Variants in NR1I2 observed in about 807,000 individuals in gnomAD.
The protein encoded by NR1I2 is orphan nuclear receptor PAR1.
Under a neutral mutation model 43.3 loss-of-function variants are expected in NR1I2, and 42 were observed. The observed-to-expected ratio is 0.97, with a 90% CI of 0.76 to 1.26. The LOEUF (loss-of-function observed/expected upper bound fraction) is 1.26. NR1I2 is among the 50% of genes most tolerant of loss of function. The pLI is 0.00. For synonymous variants in NR1I2, 229 were observed against 215.0 expected, an observed-to-expected ratio of 1.06 and a Z score of -0.57; for missense variants, 559 against 566.7, an observed-to-expected ratio of 0.99 and a Z score of 0.14.
Position 119,812,685 on chromosome 3 carries a change from G to A in NR1I2, c.520-1G>A. On this transcript the variant is annotated splice_acceptor_variant, in intron 4 of 8. Transcript: ENST00000393716. LOFTEE classifies it high-confidence loss of function. ...TGTCCACCTCCTGGCATGTGTCCTA[G>A]CTGCCAGGGGTGCTTAGCAGTGGCT... 1 of 1,613,812 alleles carries A rather than the reference G, an allele frequency of 6.2e-7. No homozygotes were observed. The highest frequency in any genetic ancestry group is 8.5e-7 in the Non-Finnish European group (1 of 1,179,998).
intron 1 of NR1I2, among the ~76,000 whole-genome samples, chr3:119,801,662 A>C (rs1434988517): frequency 6.6e-6 from 1 of 151,970 alleles, no homozygotes; most frequent in African/African-American, 2.4e-5. Flanking sequence ...CCCTAAACTC[A>C]CTGGATTAAA....
chr3:119,815,447 T>TC lies in NR1I2; in HGVS notation c.1054+9dup. On this transcript the variant is annotated intron_variant, in intron 7 of 8. Transcript: ENST00000393716. ...TCTCCCTCTTCTCCCCAGGTGAGGATCTCCCCTAGGCTGCCTGACATCCCC... is the reference window on the plus strand; with the variant it reads ...TCTCCCTCTTCTCCCCAGGTGAGGATCCTCCCCTAGGCTGCCTGACATCCCC... 1 of 1,595,886 alleles carries TC rather than the reference T, an allele frequency of 6.3e-7. No homozygotes were observed. Among genetic ancestry groups the TC allele is most frequent in the Non-Finnish European group, 8.6e-7 (1 of 1,164,970 alleles).
intron 1 of NR1I2, among the ~76,000 whole-genome samples, chr3:119,789,987 A>G (rs1464285888): frequency 2.0e-5 from 3 of 152,210 alleles, no homozygotes; most frequent in Non-Finnish European, 4.4e-5. Context: ...TTCTAAGTGT[A>G]TAGCTCAATA....
rs1292139105 is a variant in NR1I2 at position 119,815,133 on chromosome 3, A to C, written c.937+12A>C. The C allele has an allele frequency of 6.2e-7, 1 of 1,613,972 alleles. No homozygotes were observed. The highest frequency in any genetic ancestry group is 2.2e-5 in the East Asian group (1 of 44,874). On this transcript the variant is annotated intron_variant, in intron 6 of 8. Coordinates refer to ENST00000393716, the MANE Select transcript of NR1I2 (RefSeq NM_003889.4). ...GGAAGACACTGCAGGTGCCCGAGAG[A>C]GCCTGCCTGCCCTGGCAGAGGGAGG...
chr3:119,810,133 C>G lies in NR1I2; in HGVS notation c.270C>G (p.Thr90=). 1 of 1,613,394 alleles carries G rather than the reference C, an allele frequency of 6.2e-7. No homozygotes were observed. Among genetic ancestry groups the G allele is most frequent in the Non-Finnish European group, 8.5e-7 (1 of 1,179,872 alleles). Residue 90 remains threonine, a synonymous_variant, in exon 3 of 9, where the codon ACC becomes ACG. Coordinates refer to ENST00000393716, the MANE Select transcript of NR1I2 (RefSeq NM_003889.4). ...GCGCCTGCGAGATCACCCGGAAGAC[C>G]CGGCGACAGTGCCAGGCCTGCCGCC... is the stretch of plus-strand genomic sequence containing the variant.
rs930567246 is a variant in NR1I2 at position 119,804,697 on chromosome 3, C to T, written c.-22-2532C>T. The stretch of plus-strand genomic sequence containing the variant: ...CTAACCTCAGGTGATCTGCCTGCCT[C>T]TGCCTCCCAAAGTGCTGGGATTACA... On this transcript the variant is annotated intron_variant, in intron 1 of 8. Transcript: ENST00000393716. 7.9e-5 allele frequency among the ~76,000 whole-genome samples: 12 copies of T among 151,936 alleles called. 1 individual carries two copies. The East Asian group carries it at 1.4e-3, about 17-fold the overall frequency.
intron 1 of NR1I2, among the ~76,000 whole-genome samples, chr3:119,785,479 G>C (rs920387405): frequency 3.9e-5 from 6 of 152,180 alleles, no homozygotes; most frequent in Non-Finnish European, 8.8e-5. Flanking sequence ...TTTTCTTTTT[G>C]CTCTACCCAG....
intron 8 of NR1I2, among the ~76,000 whole-genome samples, chr3:119,816,280 T>A (rs1309232101): frequency 1.3e-5 from 2 of 152,178 alleles, no homozygotes; most frequent in Non-Finnish European, 2.9e-5. Context: ...CTTCCTTGTA[T>A]GGAGGCAGGA....
chr3:119,803,349 A>AAGAG lies in NR1I2; in HGVS notation c.-22-3858_-22-3855dup, dbSNP rs3030842. Among the ~76,000 whole-genome samples, 788 of 148,000 alleles carry AAGAG rather than the reference A, an allele frequency of 5.3e-3. 10 individuals are homozygous for AAGAG. Among genetic ancestry groups the AAGAG allele is most frequent in the African/African-American group, 0.019 (755 of 40,016 alleles). On this transcript the variant is annotated intron_variant, in intron 1 of 8. Transcript: ENST00000393716. ...TCTTTCTTTTTTTTTTCTGTCTCAA[A>AAGAG]AGAGAGAGAGAGAGAGAGAGAGAGA...
chr3:119,794,259 C>T (rs146871191), intron 1 of NR1I2, among the ~76,000 whole-genome samples: 1 of 152,096 alleles, frequency 6.6e-6, no homozygotes, highest in African/African-American at 2.4e-5. Flanking sequence ...GTTGTGTGAA[C>T]ATGGCTCACT....
At chr3:119,811,141 A>C in intron 3 of NR1I2, 1 of 181,070 alleles carries the variant, frequency 5.5e-6, no homozygotes, top group Non-Finnish European at 1.2e-5. Flanking sequence ...GGTGCGAGGT[A>C]AACACGGTTT....
chr3:119,792,038 A>C, intron 1 of NR1I2: 1 of 725,972 alleles, frequency 1.4e-6, no homozygotes, highest in South Asian at 1.5e-5. Context: ...GTTCTCAACC[A>C]CATAATGTGC....
At chr3:119,799,740 G>A (rs1001725475) in intron 1 of NR1I2, among the ~76,000 whole-genome samples, 5 of 152,146 alleles carry the variant, frequency 3.3e-5, no homozygotes, top group African/African-American at 4.8e-5. Context: ...AGCATTTTGG[G>A]AGGCTGAGGG....
intron 1 of NR1I2, among the ~76,000 whole-genome samples, chr3:119,790,087 T>C (rs1165499646): frequency 6.6e-6 from 1 of 152,118 alleles, no homozygotes; most frequent in Non-Finnish European, 1.5e-5. Context: ...ACAACTCCCA[T>C]TCCCCTCACC....
At chr3:119,804,398 A>T (rs1028972271) in intron 1 of NR1I2, among the ~76,000 whole-genome samples, 6 of 148,378 alleles carry the variant, frequency 4.0e-5, no homozygotes, top group Admixed American at 1.3e-4. Flanking sequence ...ATACATATAT[A>T]TTTACATTTA....
At chr3:119,815,255 G>A (rs759506424) in intron 6 of NR1I2, 68 bp from the exon 7 acceptor site, 34 of 1,562,686 alleles carry the variant, frequency 2.2e-5, no homozygotes, top group Non-Finnish European at 2.9e-5. Context: ...ACAAGATATT[G>A]GTGAGGGATG....
chr3:119,802,718 T>G (rs2055097508), intron 1 of NR1I2, among the ~76,000 whole-genome samples: 1 of 152,182 alleles, frequency 6.6e-6, no homozygotes, highest in Non-Finnish European at 1.5e-5. Context: ...GAACACTCTT[T>G]GTGTCTGTGA....
At position 119,811,746 on chromosome 3, in the gene NR1I2, G is replaced by C. The variant is rs1329120063; in HGVS notation, c.519+20G>C. 1.9e-6 allele frequency: 3 copies of C among 1,587,330 alleles called. No homozygotes were observed. Among genetic ancestry groups the C allele is most frequent in the Admixed American group, 1.8e-5 (1 of 56,572 alleles). On this transcript the variant is annotated intron_variant, in intron 4 of 8. Coordinates refer to ENST00000393716, the MANE Select transcript of NR1I2 (RefSeq NM_003889.4). ...TTCCGGGTAGGAGGAACTGCACAGT[G>C]ACCCGAGGTGTCACTGCCATCTTCA...
At chr3:119,794,197 T>G (rs956534598) in intron 1 of NR1I2, among the ~76,000 whole-genome samples, 2 of 151,690 alleles carry the variant, frequency 1.3e-5, no homozygotes, top group Non-Finnish European at 2.9e-5. Flanking sequence ...TTGTTTGTTT[T>G]TTTGGGGTGT....
Sources: allele counts gnomAD v4.1 joint callset (sites outside exome capture counted in the v4.1 genomes callset), GRCh38; gene constraint gnomAD v4.1.1; transcripts MANE v1.5; gene names NCBI Gene and HGNC (gene_info 2026-07-23, HGNC 2026-07-21).